The following ADRA1B variants were observed in gnomAD, a reference collection of about 807,000 sequenced individuals.
ADRA1B encodes alpha-1B adrenergic receptor.
Under a neutral mutation model 17.9 loss-of-function variants are expected in ADRA1B, and 17 were observed. The ratio of observed to expected loss-of-function variants is 0.95; its 90% CI spans 0.65 to 1.42. ADRA1B has a LOEUF of 1.42. Among genes scored for constraint, ADRA1B ranks in the 40% most tolerant of loss-of-function variants. The probability of loss-of-function intolerance (pLI) is 0.00; values close to 1 mark genes in which losing one functional copy is unlikely to be tolerated. For synonymous variants in ADRA1B, 366 were observed against 327.6 expected (o/e 1.12, Z -1.27); for missense variants, 681 against 722.1 (o/e 0.94, Z 0.65).
chr5:159,953,359 GAAAAATA>G (rs1755484035), intron 1 of ADRA1B, among the ~76,000 whole-genome samples: 1 of 151,910 alleles, frequency 6.6e-6, no homozygotes, highest in Non-Finnish European at 1.5e-5. Flanking sequence ...CTCTGTCTCA[GAAAAATA>G]AAAAATAAAA....
At chr5:159,932,075 A>G (rs928963513) in intron 1 of ADRA1B, among the ~76,000 whole-genome samples, 5 of 152,186 alleles carry the variant, frequency 3.3e-5, no homozygotes, top group African/African-American at 1.2e-4. Flanking sequence ...TTTTTCACTG[A>G]TCAGCAAGTC....
At chr5:159,942,515 G>T (rs1755163166) in intron 1 of ADRA1B, among the ~76,000 whole-genome samples, 1 of 152,132 alleles carries the variant, frequency 6.6e-6, no homozygotes, top group Admixed American at 6.5e-5. Context: ...TACTAATTAA[G>T]AAAGATCTTT....
At chr5:159,953,451 G>A (rs1328051400) in intron 1 of ADRA1B, among the ~76,000 whole-genome samples, 1 of 152,154 alleles carries the variant, frequency 6.6e-6, no homozygotes, top group Non-Finnish European at 1.5e-5. Flanking sequence ...ATCCCTGCGT[G>A]TAACCAGCAC....
downstream of ADRA1B, among the ~76,000 whole-genome samples, chr5:159,976,482 A>G (rs1383733041): frequency 6.6e-6 from 1 of 152,026 alleles, no homozygotes. Context: ...AGCCTGGCCT[A>G]CATGTGAAAC....
intron 1 of ADRA1B, among the ~76,000 whole-genome samples, chr5:159,906,496 A>G (rs1011416367): frequency 9.2e-5 from 14 of 152,250 alleles, no homozygotes; most frequent in African/African-American, 3.4e-4. Context: ...ACAAAAATAT[A>G]AATTCCTGAA....
intron 1 of ADRA1B, among the ~76,000 whole-genome samples, chr5:159,905,641 T>G (rs1057027290): frequency 6.6e-6 from 1 of 151,852 alleles, no homozygotes; most frequent in Non-Finnish European, 1.5e-5. Flanking sequence ...AGAGACAGAG[T>G]GTGATCAAAG....
intron 1 of ADRA1B, among the ~76,000 whole-genome samples, chr5:159,923,997 G>A (rs1287083578): frequency 6.6e-6 from 1 of 152,238 alleles, no homozygotes; most frequent in Non-Finnish European, 1.5e-5. Context: ...TTAGTAAATG[G>A]TAGAGTCTAT....
At chr5:159,940,363 A>C (rs1371421494) in intron 1 of ADRA1B, among the ~76,000 whole-genome samples, 1 of 152,174 alleles carries the variant, frequency 6.6e-6, no homozygotes, top group Admixed American at 6.5e-5. Flanking sequence ...CTTATCCTCC[A>C]GTATCCCCCC....
chr5:159,870,016 T>C (rs1329274320), intron 1 of ADRA1B: 2 of 152,124 alleles, frequency 1.3e-5, no homozygotes, highest in African/African-American at 4.8e-5. Context: ...GTTTCTTGAG[T>C]TTAAAGTCAG....
intron 1 of ADRA1B, among the ~76,000 whole-genome samples, chr5:159,949,624 G>A (rs1755370331): frequency 6.6e-6 from 1 of 152,152 alleles, no homozygotes; most frequent in South Asian, 2.1e-4. Context: ...TGAAGCATAA[G>A]AAACCAGATC....
chr5:159,936,706 G>A (rs1754964852), intron 1 of ADRA1B, among the ~76,000 whole-genome samples: 1 of 152,052 alleles, frequency 6.6e-6, no homozygotes, highest in Non-Finnish European at 1.5e-5. Context: ...TGGCGTGGCT[G>A]TAAATAAATA....
At chr5:159,939,322 T>TGTGCGCGCGCGC (rs1554090928) in intron 1 of ADRA1B, among the ~76,000 whole-genome samples, 1 of 107,604 alleles carries the variant, frequency 9.3e-6, no homozygotes, top group East Asian at 3.1e-4. Context: ...TGTGTGTGTG[T>TGTGCGCGCGCGC]GCGCGCGCGC....
rs754748788 is a variant in ADRA1B, at chr5:159,947,945, G to C, written c.950-23934G>C. On this transcript the variant is annotated intron_variant, in intron 1 of 1. Transcript: ENST00000306675. ...TTTCTGCAAGCTCTTCCAAGCTCCA[G>C]CTGTCCCTGGATTCTTTGGCTTTGC... 1,705 of 985,312 alleles carry C rather than the reference G, an allele frequency of 1.7e-3. 3 individuals carry two copies. Among genetic ancestry groups the C allele is most frequent in the Non-Finnish European group, 2.0e-3 (1,623 of 829,948 alleles). 61.0% of individuals were successfully genotyped at this position (985,312 alleles called of 1,614,324 possible).
At chr5:159,914,526 A>T (rs1243692036), upstream of ADRA1B, among the ~76,000 whole-genome samples, 1 of 152,200 alleles carries the variant, frequency 6.6e-6, no homozygotes, top group Non-Finnish European at 1.5e-5. Context: ...GGGCAATTTA[A>T]TTATAATAGA....
At chr5:159,973,749 G>A (rs1249739194), downstream of ADRA1B, among the ~76,000 whole-genome samples, 1 of 152,180 alleles carries the variant, frequency 6.6e-6, no homozygotes, top group East Asian at 1.9e-4. Context: ...TCCTACTACT[G>A]ATTTATTGTA....
intron 1 of ADRA1B, among the ~76,000 whole-genome samples, chr5:159,923,036 C>T (rs1754532339): frequency 6.6e-6 from 1 of 152,226 alleles, no homozygotes; most frequent in Non-Finnish European, 1.5e-5. Flanking sequence ...GAAGCTAATT[C>T]AGTGAAGGGG....
At chr5:159,872,584 T>A (rs1181104133) in intron 1 of ADRA1B, among the ~76,000 whole-genome samples, 2 of 152,190 alleles carry the variant, frequency 1.3e-5, no homozygotes, top group Non-Finnish European at 2.9e-5. Flanking sequence ...AGTGTGGACT[T>A]TGAATCCAGG....
At chr5:159,939,276 AGAGTGTGTGTGTGTGTGTGTGTGTGT>A (rs1176378657) in intron 1 of ADRA1B, among the ~76,000 whole-genome samples, 4 of 71,914 alleles carry the variant, frequency 5.6e-5, no homozygotes, top group African/African-American at 2.0e-4. Context: ...AGAGAGAGAG[AGAGTGTGTGTGTGTGTGTGTGTGTGT>A]GTGTGTGTGT....
chr5:159,976,764 T>C (rs190300618), downstream of ADRA1B, among the ~76,000 whole-genome samples: 48 of 152,042 alleles, frequency 3.2e-4, 1 homozygote, highest in African/African-American at 1.1e-3. Flanking sequence ...ACATTCCAGG[T>C]GACAAAACCA....
Sources: allele counts gnomAD v4.1 joint callset (sites outside exome capture counted in the v4.1 genomes callset), GRCh38; gene constraint gnomAD v4.1.1; transcripts MANE v1.5; gene names NCBI Gene and HGNC (gene_info 2026-07-23, HGNC 2026-07-21).